Variants in CACNA1E observed in about 807,000 individuals in gnomAD.
CACNA1E encodes calcium voltage-gated channel subunit alpha1 E, also known as voltage-dependent R-type calcium channel subunit alpha-1E.
CACNA1E carries 40 observed loss-of-function variants against 259.2 expected under a neutral mutation model. The observed-to-expected ratio is 0.15, with a 90% CI of 0.12 to 0.20. The LOEUF (loss-of-function observed/expected upper bound fraction) is 0.20, where lower values mean the gene tolerates loss of function less well. CACNA1E is among the 10% of genes least tolerant of loss of function. The pLI is 1.00. For synonymous variants in CACNA1E, 1,104 were observed against 1,138.5 expected (o/e 0.97, Z 0.61); for missense variants, 1,874 against 3,040.1 (o/e 0.62, Z 9.02).
chr1:181,664,371 C>CT (rs1286569819), intron 7 of CACNA1E, among the ~76,000 whole-genome samples: 2 of 152,198 alleles, frequency 1.3e-5, no homozygotes, highest in Admixed American at 1.3e-4. Context: ...ACACTGTTCT[C>CT]TAGATGCTGG....
At chr1:181,580,991 C>T (rs189715278) in intron 6 of CACNA1E, among the ~76,000 whole-genome samples, 3 of 152,234 alleles carry the variant, frequency 2.0e-5, no homozygotes, top group Admixed American at 6.5e-5. Flanking sequence ...CTTCTTAATA[C>T]GATTAGGAAA....
chr1:181,748,631 T>C (rs1263544073), intron 25 of CACNA1E, among the ~76,000 whole-genome samples: 1 of 152,230 alleles, frequency 6.6e-6, no homozygotes, highest in African/African-American at 2.4e-5. Flanking sequence ...CTTAGAGATA[T>C]GAAAGATTAT....
At chr1:181,395,841 AT>A (rs1164895413) in intron 1 of CACNA1E, among the ~76,000 whole-genome samples, 1 of 152,254 alleles carries the variant, frequency 6.6e-6, no homozygotes, top group African/African-American at 2.4e-5. Flanking sequence ...AGAGTGATCA[AT>A]TATGTCAAAT....
chr1:181,799,395 C>G lies in CACNA1E; in HGVS notation c.*561C>G, dbSNP rs1662100068. 1 of 153,090 alleles carries G rather than the reference C, an allele frequency of 6.5e-6. No individual in the cohort carries two copies. The highest frequency in any genetic ancestry group is 1.9e-4 in the East Asian group (1 of 5,214). The allele number at this position is 153,090 out of a possible 1,614,324, so 9.5% of individuals were successfully genotyped here. A position where few individuals can be genotyped will look rare whatever the true frequency, so the allele number is the denominator to read the frequency against. ...CAGGCTAAGTCAGGAACATCGGATGCCAGGGAGGGAGGAGAAAGCCGAAGC... is the reference window on the plus strand; with the variant it reads ...CAGGCTAAGTCAGGAACATCGGATGGCAGGGAGGGAGGAGAAAGCCGAAGC... On this transcript the variant is annotated 3_prime_UTR_variant, in exon 48 of 48. Transcript: ENST00000367573.
intron 1 of CACNA1E, among the ~76,000 whole-genome samples, chr1:181,338,881 G>A (rs1651927421): frequency 6.6e-6 from 1 of 150,458 alleles, no homozygotes; most frequent in African/African-American, 2.4e-5. Context: ...TTTTGCCTGT[G>A]GATATACAGT....
intron 2 of CACNA1E, among the ~76,000 whole-genome samples, chr1:181,436,258 T>C (rs376847901): frequency 1.7e-4 from 26 of 152,352 alleles, no homozygotes; most frequent in African/African-American, 6.3e-4. Flanking sequence ...TCTTATGTAT[T>C]GTTGGTAGAA....
chr1:181,425,421 A>G (rs1406294818), intron 2 of CACNA1E, among the ~76,000 whole-genome samples: 5 of 152,162 alleles, frequency 3.3e-5, no homozygotes, highest in African/African-American at 1.2e-4. Flanking sequence ...GGGTGAAGAC[A>G]CGTGCAGAAA....
intron 7 of CACNA1E, among the ~76,000 whole-genome samples, chr1:181,680,092 T>G (rs1407508730): frequency 3.5e-5 from 4 of 113,156 alleles, no homozygotes; most frequent in Non-Finnish European, 3.3e-5. Flanking sequence ...CATGACAGAG[T>G]GAGACCTTGT....
chr1:181,779,822 AC>A (rs2102814961), intron 38 of CACNA1E, among the ~76,000 whole-genome samples: 1 of 37,206 alleles, frequency 2.7e-5, no homozygotes, highest in African/African-American at 8.8e-5. Flanking sequence ...GCACATGTAC[AC>A]ACACACACAC....
At chr1:181,796,589 T>C in intron 46 of CACNA1E, 79 bp from the exon 47 acceptor site, 2 of 1,089,100 alleles carry the variant, frequency 1.8e-6, no homozygotes, top group Non-Finnish European at 2.6e-6. Flanking sequence ...TGTGATGTGA[T>C]ACTTGGAGAG....
At chr1:181,568,116 A>G (rs749299016) in intron 3 of CACNA1E, among the ~76,000 whole-genome samples, 2 of 152,130 alleles carry the variant, frequency 1.3e-5, no homozygotes, top group Non-Finnish European at 2.9e-5. Context: ...GTTCTAACTC[A>G]GGGGCCTGAG....
Position 181,483,869 on chromosome 1 carries a change from C to G in CACNA1E, c.125C>G (p.Thr42Arg), listed in dbSNP as rs1284141306. ...GGGCAGGCGGCCGCCTACAAGCAGA[C>G]GAAAGCACAGAGGGCGCGGACTATG... ...ASGQAAAYKQTKAQRARTMAL... is the reference protein window; with the variant it reads ...ASGQAAAYKQRKAQRARTMAL... The change falls in exon 1 of 48, where the codon ACG becomes AGG. Residue 42 changes from threonine (T) to arginine (R), a missense_variant. Thr to Arg is a moderately conservative substitution (Grantham distance 71). This residue lies in a region of CACNA1E where 110 missense variants were observed against 122.8 expected (regional missense o/e 0.90). Coordinates refer to ENST00000367573, the MANE Select transcript of CACNA1E (RefSeq NM_001205293.3). The G allele has an allele frequency of 2.5e-6, 4 of 1,613,590 alleles. No homozygotes were observed. The highest frequency in any genetic ancestry group is 3.4e-6 in the Non-Finnish European group (4 of 1,179,854).
At chr1:181,790,229 TAATG>T (rs1190601549) in intron 43 of CACNA1E, among the ~76,000 whole-genome samples, 1 of 151,946 alleles carries the variant, frequency 6.6e-6, no homozygotes, top group Non-Finnish European at 1.5e-5. Context: ...CCCGGCAGAA[TAATG>T]AATGGTTTCA....
chr1:181,363,119 C>T (rs1255207296), intron 1 of CACNA1E, among the ~76,000 whole-genome samples: 1 of 152,160 alleles, frequency 6.6e-6, no homozygotes, highest in African/African-American at 2.4e-5. Context: ...TCCCCTAAGT[C>T]TTGAGGGCAG....
Position 181,418,487 on chromosome 1 carries a change from G to A in CACNA1E, c.434+4907G>A, listed in dbSNP as rs142626482. ...CAGTCCCAGACCTTTGGTTAGCATC[G>A]TATACTGCTGACCTCTAAATTGGTG... On this transcript the variant is annotated intron_variant, in intron 2 of 11. Coordinates refer to the CACNA1E transcript ENST00000524607. 4.3e-3 allele frequency among the ~76,000 whole-genome samples: 652 copies of A among 152,164 alleles called. 4 individuals carry two copies. The highest frequency in any genetic ancestry group is 0.014 in the African/African-American group (562 of 41,494).
intron 6 of CACNA1E, among the ~76,000 whole-genome samples, chr1:181,585,556 A>T (rs1232943535): frequency 6.6e-6 from 1 of 152,220 alleles, no homozygotes; most frequent in Non-Finnish European, 1.5e-5. Context: ...TCAGATAGTG[A>T]TAGATGCTGT....
At chr1:181,609,401 G>A (rs535444178) in intron 6 of CACNA1E, among the ~76,000 whole-genome samples, 75 of 152,248 alleles carry the variant, frequency 4.9e-4, no homozygotes, top group African/African-American at 1.8e-3. Flanking sequence ...TGTATGGGTT[G>A]GTAGTGTGAG....
At chr1:181,711,098 T>TG (rs758291241) in intron 8 of CACNA1E, 29 bp downstream of exon 8, 76 of 1,462,816 alleles carry the variant, frequency 5.2e-5, no homozygotes, top group Non-Finnish European at 7.1e-5. Context: ...AGGAGGCTGG[T>TG]GAGTGGGCTG....
At chr1:181,411,997 T>C (rs977194555) in intron 1 of CACNA1E, among the ~76,000 whole-genome samples, 4 of 152,404 alleles carry the variant, frequency 2.6e-5, no homozygotes, top group Non-Finnish European at 4.4e-5. Context: ...ATGTTCTTCC[T>C]GCCTCTTCCA....
Sources: allele counts gnomAD v4.1 joint callset (sites outside exome capture counted in the v4.1 genomes callset), GRCh38; gene constraint gnomAD v4.1.1; regional missense constraint gnomAD v4.1.1; transcripts MANE v1.5; gene names NCBI Gene and HGNC (gene_info 2026-07-23, HGNC 2026-07-21).